Variants in TADA2A observed in about 807,000 individuals in gnomAD.
TADA2A encodes the protein transcriptional adaptor 2A, also known as transcriptional adapter 2-alpha.
Under a neutral mutation model 67.4 loss-of-function variants are expected in TADA2A, and 38 were observed. The ratio of observed to expected loss-of-function variants is 0.56; its 90% CI spans 0.44 to 0.74. The LOEUF is 0.74. Among genes scored for constraint, TADA2A ranks in the 30% least tolerant of loss-of-function variants. The pLI is 0.00. For missense variants in TADA2A, 454 were observed against 547.0 expected (o/e 0.83, Z 1.70); for synonymous variants, 192 against 181.6 (o/e 1.06, Z -0.46).
chr17:37,437,478 C>T (rs753453034), intron 4 of TADA2A, among the ~76,000 whole-genome samples: 1 of 150,344 alleles, frequency 6.7e-6, no homozygotes, highest in Non-Finnish European at 1.5e-5. Flanking sequence ...CCTCTGCTTC[C>T]GCAGTTCAAG....
Position 37,406,898 on chromosome 17 carries a change from G to C in TADA2A, c.-149G>C, listed in dbSNP as rs988799211. 5.2e-5 allele frequency: 7 copies of C among 135,152 alleles called. No individual in the cohort carries two copies. The East Asian group carries it at 1.8e-3, about 35-fold the overall frequency. 8.4% of individuals were successfully genotyped at this position (135,152 alleles called of 1,614,324 possible). Reference sequence around the variant, plus strand: ...CCCGGGGGCGCGCACGCAAAGCCCGGAGGCGCGCGCGACCGGCGGCTCTTT... The same window carrying C: ...CCCGGGGGCGCGCACGCAAAGCCCGCAGGCGCGCGCGACCGGCGGCTCTTT... On this transcript the variant is annotated 5_prime_UTR_variant, in exon 1 of 16. Transcript: ENST00000615182.
intron 2 of TADA2A, 94 bp from the exon 3 acceptor site, chr17:37,423,415 C>T (rs1221813047): frequency 1.0e-6 from 1 of 963,742 alleles, no homozygotes; most frequent in Non-Finnish European, 1.6e-6. Flanking sequence ...GCTTAGCTCA[C>T]TACTTGTGTG....
intron 12 of TADA2A, among the ~76,000 whole-genome samples, chr17:37,470,037 GAAAA>G (rs1031035278): frequency 5.9e-5 from 9 of 151,988 alleles, no homozygotes; most frequent in African/African-American, 1.9e-4. Flanking sequence ...GTGTGACTTT[GAAAA>G]AATTTATAAA....
intron 4 of TADA2A, among the ~76,000 whole-genome samples, chr17:37,433,169 TC>T (rs1277816819): frequency 6.6e-6 from 1 of 151,762 alleles, no homozygotes; most frequent in African/African-American, 2.4e-5. Flanking sequence ...TCCAGGGTGG[TC>T]TTAAACTCCT....
At chr17:37,464,829 A>G (rs2053626349) in intron 10 of TADA2A, among the ~76,000 whole-genome samples, 1 of 89,580 alleles carries the variant, frequency 1.1e-5, no homozygotes, top group South Asian at 4.2e-4. Context: ...ACAGAGCAAG[A>G]CTCCATCTCA....
intron 2 of TADA2A, among the ~76,000 whole-genome samples, chr17:37,422,126 A>G (rs1010942170): frequency 6.9e-6 from 1 of 144,916 alleles, no homozygotes; most frequent in Non-Finnish European, 1.5e-5. Flanking sequence ...GCTCACTGCA[A>G]CCTGTGCCTT....
intron 12 of TADA2A, among the ~76,000 whole-genome samples, chr17:37,468,015 G>C (rs181679367): frequency 2.0e-5 from 3 of 152,002 alleles, no homozygotes; most frequent in Admixed American, 6.6e-5. Flanking sequence ...CTGAGAAGCA[G>C]TTGTTGTAGT....
intron 8 of TADA2A, among the ~76,000 whole-genome samples, chr17:37,455,885 A>G (rs1369412229): frequency 6.6e-6 from 1 of 151,454 alleles, no homozygotes; most frequent in Non-Finnish European, 1.5e-5. Context: ...TGCATGGTGT[A>G]TAGGGCATAT....
chr17:37,416,264 A>C (rs2052042926), intron 2 of TADA2A, among the ~76,000 whole-genome samples: 1 of 151,702 alleles, frequency 6.6e-6, no homozygotes, highest in Admixed American at 6.6e-5. Context: ...GATTACAGGC[A>C]CATGCTGCCA....
At chr17:37,411,172 C>T in intron 1 of TADA2A, 97 bp from the exon 2 acceptor site, 1 of 607,756 alleles carries the variant, frequency 1.6e-6, no homozygotes, top group Non-Finnish European at 3.0e-6. Flanking sequence ...CATTACAAAG[C>T]TAAGATGTGG....
chr17:37,428,691 A>G (rs1187210440), intron 4 of TADA2A, among the ~76,000 whole-genome samples: 1 of 152,122 alleles, frequency 6.6e-6, no homozygotes, highest in African/African-American at 2.4e-5. Flanking sequence ...AAGCTATCCT[A>G]TCTCAGCCAC....
Position 37,426,936 on chromosome 17 carries a change from T to C in TADA2A, c.133-14T>C. 1.3e-6 allele frequency: 2 copies of C among 1,593,486 alleles called. No individual in the cohort carries two copies. Among genetic ancestry groups the C allele is most frequent in the Non-Finnish European group, 1.7e-6 (2 of 1,174,010 alleles). ...AAAGTAGCTTTTGCTAATTTAATTT[T>C]TCTTTCTTTGCAGTGTTTCACTCGA... On this transcript the variant is annotated splice_polypyrimidine_tract_variant and intron_variant, in intron 3 of 15. Coordinates refer to ENST00000615182, the MANE Select transcript of TADA2A (RefSeq NM_001166105.3).
chr17:37,409,832 A>G (rs933552572), intron 1 of TADA2A, among the ~76,000 whole-genome samples: 1 of 151,966 alleles, frequency 6.6e-6, no homozygotes, highest in African/African-American at 2.4e-5. Context: ...TTTTTGACTT[A>G]GTGTAAAATA....
intron 8 of TADA2A, among the ~76,000 whole-genome samples, chr17:37,452,470 C>T (rs1453215686): frequency 6.6e-6 from 1 of 152,056 alleles, no homozygotes; most frequent in Non-Finnish European, 1.5e-5. Flanking sequence ...TATTTGTTTC[C>T]CTTTCTGGCT....
chr17:37,446,654 C>T (rs973111333), intron 8 of TADA2A, among the ~76,000 whole-genome samples: 2 of 151,790 alleles, frequency 1.3e-5, no homozygotes, highest in African/African-American at 4.8e-5. Context: ...TTTTCCTCCT[C>T]CTCCTCCCTG....
chr17:37,462,121 TGTAA>T lies in TADA2A; in HGVS notation c.712+4_712+7del. 1.9e-6 allele frequency: 3 copies of T among 1,546,152 alleles called. No individual in the cohort carries two copies. Among genetic ancestry groups the T allele is most frequent in the South Asian group, 1.2e-5 (1 of 85,052 alleles). ...ATTAATCAACCTTAGAAAGTTTCAA[TGTAA>T]GTATTAGCAGTTTTCTTTATTTTAC... On this transcript the variant is annotated splice_donor_variant and splice_donor_region_variant and intron_variant, in intron 10 of 15. Transcript: ENST00000615182. LOFTEE classifies it high-confidence loss of function.
At chr17:37,427,695 G>C (rs2052449641) in intron 4 of TADA2A, among the ~76,000 whole-genome samples, 1 of 147,470 alleles carries the variant, frequency 6.8e-6, no homozygotes, top group South Asian at 2.2e-4. Context: ...AGATAGTTTT[G>C]TTGGCCAGGC....
chr17:37,431,039 C>G (rs1202797330), intron 4 of TADA2A, among the ~76,000 whole-genome samples: 1 of 151,174 alleles, frequency 6.6e-6, no homozygotes, highest in Non-Finnish European at 1.5e-5. Context: ...TGTAATCTCA[C>G]AAATCATGAC....
At chr17:37,410,236 G>T (rs1858037519) in intron 1 of TADA2A, among the ~76,000 whole-genome samples, 1 of 151,866 alleles carries the variant, frequency 6.6e-6, no homozygotes, top group East Asian at 1.9e-4. Flanking sequence ...CCAAGCTGGA[G>T]TGCAGTGGTG....
Sources: allele counts gnomAD v4.1 joint callset (sites outside exome capture counted in the v4.1 genomes callset), GRCh38; gene constraint gnomAD v4.1.1; transcripts MANE v1.5; gene names NCBI Gene and HGNC (gene_info 2026-07-23, HGNC 2026-07-21).